Variants in KIF13B observed in about 807,000 individuals in gnomAD.
KIF13B encodes kinesin family member 13B, also known as kinesin-like protein KIF13B.
A neutral mutation model predicts 222.0 loss-of-function variants in KIF13B; 127 were observed. The ratio of observed to expected loss-of-function variants is 0.57; its 90% confidence interval spans 0.50 to 0.66. KIF13B has a LOEUF of 0.66. Ranked by LOEUF, KIF13B falls within the 30% of genes least tolerant of loss-of-function variation. KIF13B has a pLI of 0.00. For missense variants in KIF13B, 2,173 were observed against 2,379.0 expected (o/e 0.91, Z 1.80); for synonymous variants, 976 against 919.0 (o/e 1.06, Z -1.12).
At chr8:29,161,310 G>T (rs1270439332) in intron 12 of KIF13B, among the ~76,000 whole-genome samples, 1 of 152,154 alleles carries the variant, frequency 6.6e-6, no homozygotes, top group African/African-American at 2.4e-5. Flanking sequence ...AGGATCACAA[G>T]GCCCTTCAAC....
intron 3 of KIF13B, among the ~76,000 whole-genome samples, chr8:29,193,967 G>A (rs1410775098): frequency 3.4e-5 from 5 of 149,234 alleles, no homozygotes; most frequent in East Asian, 2.0e-4. Context: ...ACAGGCGCCC[G>A]CTACCACGCC....
At position 29,070,778 on chromosome 8, in the gene KIF13B, GGAGAGGGTGATATGGAGGGCAGCCGAGCT is replaced by G. The variant is rs1468442619; in HGVS notation, c.5219-41_5219-13del. ...ACCGTCATTCTTACCTGCGGGGGAA[GGAGAGGGTGATATGGAGGGCAGCCGAGCT>G]GCAGACGGCCCCCTGCACCTCCCTT... is the stretch of plus-strand genomic sequence containing the variant. On this transcript the variant is annotated splice_polypyrimidine_tract_variant and intron_variant, in intron 39 of 39. Transcript: ENST00000524189. The surrounding 1 kb of genome is among the most constrained non-coding windows in gnomAD (Gnocchi z 4.1). 1 of 1,584,980 alleles carries G rather than the reference GGAGAGGGTGATATGGAGGGCAGCCGAGCT, an allele frequency of 6.3e-7. No homozygotes were observed. The highest frequency in any genetic ancestry group is 8.6e-7 in the Non-Finnish European group (1 of 1,166,398).
In KIF13B at chr8:29,140,702, G is replaced by T. The variant is rs78291772; in HGVS notation, c.2335-85C>A. On this transcript the variant is annotated intron_variant, in intron 19 of 39. Coordinates refer to ENST00000524189, the MANE Select transcript of KIF13B (RefSeq NM_015254.4). ...CCTACTGCTTTTTGATGCACTCTAGGTTATTAAACTTAACTTTCATCATCC... is the reference window on the plus strand; with the variant it reads ...CCTACTGCTTTTTGATGCACTCTAGTTTATTAAACTTAACTTTCATCATCC... 1.5e-3 allele frequency: 1,814 copies of T among 1,197,914 alleles called. 19 individuals carry two copies. The African/African-American group carries it at 0.025, about 17-fold the overall frequency. The allele number at this position is 1,197,914 out of a possible 1,614,324, so 74.2% of individuals were successfully genotyped here. A position where few individuals can be genotyped will look rare whatever the true frequency, so the allele number is the denominator to read the frequency against.
rs920896971 is a variant in KIF13B, at chr8:29,155,604, G to A, written c.1535+122C>T. 19 of 785,714 alleles carry A rather than the reference G, an allele frequency of 2.4e-5. No individual in the cohort carries two copies. In the East Asian group the frequency reaches 3.1e-4, roughly 13 times the overall value. The allele number at this position is 785,714 out of a possible 1,614,324, so 48.7% of individuals were successfully genotyped here. On this transcript the variant is annotated intron_variant, in intron 14 of 39. Coordinates refer to ENST00000524189, the MANE Select transcript of KIF13B (RefSeq NM_015254.4). ...CATTAAAGCTAAATGTAAGGGGCCC[G>A]CCCAACCAACTGGATTACTTAATGT...
At chr8:29,112,840 A>C (rs770149437) in intron 32 of KIF13B, among the ~76,000 whole-genome samples, 11 of 152,354 alleles carry the variant, frequency 7.2e-5, no homozygotes, top group Admixed American at 1.3e-4. Flanking sequence ...TCTTCCATCA[A>C]GCTTGTACCA....
At chr8:29,237,162 T>G (rs139011258) in intron 2 of KIF13B, among the ~76,000 whole-genome samples, 1 of 152,270 alleles carries the variant, frequency 6.6e-6, no homozygotes, top group Non-Finnish European at 1.5e-5. Context: ...TCCCTCCATC[T>G]TTAAAACAGA....
intron 33 of KIF13B, 71 bp downstream of exon 33, chr8:29,109,847 T>C: frequency 6.9e-7 from 1 of 1,441,836 alleles, no homozygotes; most frequent in Non-Finnish European, 9.6e-7. Flanking sequence ...CACTGTGAAT[T>C]ACAGAGTCAA....
At chr8:29,216,016 C>T (rs1278414880) in intron 2 of KIF13B, among the ~76,000 whole-genome samples, 1 of 152,130 alleles carries the variant, frequency 6.6e-6, no homozygotes, top group Non-Finnish European at 1.5e-5. Flanking sequence ...CACCTCTTTC[C>T]CAGCGGAGAT....
Position 29,109,571 on chromosome 8 carries a change from C to T in KIF13B, c.4084-60G>A, listed in dbSNP as rs374051655. 9.1e-5 allele frequency: 122 copies of T among 1,338,488 alleles called. 1 individual carries two copies. The highest frequency in any genetic ancestry group is 5.3e-4 in the South Asian group (45 of 85,250). The allele number at this position is 1,338,488 out of a possible 1,614,324, so 82.9% of individuals were successfully genotyped here. On this transcript the variant is annotated intron_variant, in intron 33 of 39. Transcript: ENST00000524189. ...TGTAAGAGACACACTGCAAAAGCAA[C>T]ACCATGTACAGCAGACTTGCAACCC...
intron 37 of KIF13B, among the ~76,000 whole-genome samples, chr8:29,092,223 C>T (rs2133547947): frequency 6.6e-6 from 1 of 152,318 alleles, no homozygotes; most frequent in Non-Finnish European, 1.5e-5. Context: ...GTTTGGAAAA[C>T]CTTTTCGCAT....
At chr8:29,125,500 G>GA (rs1359923152) in intron 26 of KIF13B, among the ~76,000 whole-genome samples, 1 of 152,126 alleles carries the variant, frequency 6.6e-6, no homozygotes, top group Non-Finnish European at 1.5e-5. Context: ...ATGTCAGCTT[G>GA]AAAAAAGTCT....
In KIF13B at chr8:29,072,067, GGGCCGCAGCGTCCA is replaced by G; in HGVS notation, c.4757_4770del (p.Leu1586ProfsTer10). On this transcript the variant is annotated frameshift_variant, in exon 39 of 40. Transcript: ENST00000524189. LOFTEE classifies it high-confidence loss of function. ...GGGGCGGTGGGCATGGACCCCGGCG[GGGCCGCAGCGTCCA>G]GGCCGGGGCCCAGGGCGTCCGACAG... 7.6e-7 allele frequency: 1 copy of G among 1,315,960 alleles called. No individual in the cohort carries two copies. Among genetic ancestry groups the G allele is most frequent in the South Asian group, 2.3e-5 (1 of 43,842 alleles). 81.5% of individuals were successfully genotyped at this position (1,315,960 alleles called of 1,614,324 possible). A position where few individuals can be genotyped will look rare whatever the true frequency, so the allele number is the denominator to read the frequency against.
chr8:29,100,387 T>A (rs181143500), intron 35 of KIF13B, among the ~76,000 whole-genome samples: 3 of 152,322 alleles, frequency 2.0e-5, no homozygotes, highest in Non-Finnish European at 4.4e-5. Context: ...ATCACTGACT[T>A]CTTTACCACT....
At chr8:29,169,217 G>GT (rs2130180272) in intron 10 of KIF13B, among the ~76,000 whole-genome samples, 1 of 152,322 alleles carries the variant, frequency 6.6e-6, no homozygotes, top group Admixed American at 6.5e-5. Flanking sequence ...TCCACCTTTT[G>GT]TGAGTTCGAT....
At chr8:29,244,582 T>C (rs965416893) in intron 2 of KIF13B, among the ~76,000 whole-genome samples, 7 of 152,150 alleles carry the variant, frequency 4.6e-5, no homozygotes, top group Non-Finnish European at 7.3e-5. Context: ...ATCATAATAC[T>C]CAAAAACTGC....
At chr8:29,260,929 T>C (rs1170997026) in intron 1 of KIF13B, among the ~76,000 whole-genome samples, 2 of 152,222 alleles carry the variant, frequency 1.3e-5, no homozygotes, top group Non-Finnish European at 2.9e-5. Context: ...GTTTTAGTCT[T>C]TTTATACAAA....
At chr8:29,091,547 C>A (rs1037003567) in intron 37 of KIF13B, among the ~76,000 whole-genome samples, 12 of 152,328 alleles carry the variant, frequency 7.9e-5, no homozygotes, top group African/African-American at 2.6e-4. Flanking sequence ...GGGTTCCCAG[C>A]GCAGGCTGAG....
At position 29,127,123 on chromosome 8, in the gene KIF13B, T is replaced by C; in HGVS notation, c.3221A>G (p.His1074Arg). 5 of 1,613,626 alleles carry C rather than the reference T, an allele frequency of 3.1e-6. No homozygotes were observed. The highest frequency in any genetic ancestry group is 2.5e-6 in the Non-Finnish European group (3 of 1,179,698). Residue 1074 changes from histidine to arginine, a missense_variant and splice_region_variant, in exon 25 of 40, where the codon CAT becomes CGT. This residue lies in a region of KIF13B where 1,480 missense variants were observed against 1,722.8 expected (regional missense o/e 0.86). Coordinates refer to ENST00000524189, the MANE Select transcript of KIF13B (RefSeq NM_015254.4). Reference protein sequence around the residue: ...LRAPRTHETFHEEEEDMDSYQ... With the variant: ...LRAPRTHETFREEEEDMDSYQ... ...AACATAACAGGTATAGAAACTTACA[T>C]GGAAGGTCTCATGTGTTCTGGGGGC...
At chr8:29,101,804 G>T (rs1280153339) in intron 35 of KIF13B, among the ~76,000 whole-genome samples, 4 of 152,176 alleles carry the variant, frequency 2.6e-5, no homozygotes, top group Non-Finnish European at 4.4e-5. Flanking sequence ...AACAGGCTCT[G>T]CTTCAGAGGG....
Sources: allele counts gnomAD v4.1 joint callset (sites outside exome capture counted in the v4.1 genomes callset), GRCh38; gene constraint gnomAD v4.1.1; regional missense constraint gnomAD v4.1.1; non-coding constraint Gnocchi (gnomAD v3.1); transcripts MANE v1.5; gene names NCBI Gene and HGNC (gene_info 2026-07-23, HGNC 2026-07-21).